The following HSPA13 variants were observed in gnomAD, a reference collection of about 807,000 sequenced individuals.
HSPA13 encodes the protein heat shock protein family A (Hsp70) member 13, also known as heat shock 70 kDa protein 13.
Under a neutral mutation model 38.8 loss-of-function variants are expected in HSPA13, and 29 were observed. The observed-to-expected ratio is 0.75, with a 90% CI of 0.56 to 1.02. The LOEUF is 1.02. Among genes scored for constraint, HSPA13 ranks in the 50% least tolerant of loss-of-function variants. HSPA13 has a pLI of 0.00. For missense variants in HSPA13, 451 were observed against 560.9 expected (o/e 0.80, Z 1.98); for synonymous variants, 192 against 205.3 (o/e 0.94, Z 0.56).
chr21:14,377,693 A>T (rs574184743), intron 3 of HSPA13, among the ~76,000 whole-genome samples: 4 of 152,262 alleles, frequency 2.6e-5, no homozygotes, highest in East Asian at 1.9e-4. Flanking sequence ...CAGCTGCCAG[A>T]GTGTGCCTGG....
intron 2 of HSPA13, among the ~76,000 whole-genome samples, chr21:14,379,298 C>T (rs965088011): frequency 1.3e-5 from 2 of 152,100 alleles, no homozygotes; most frequent in Non-Finnish European, 2.9e-5. Flanking sequence ...CTAAAAAATA[C>T]TATCCTAGTT....
rs1391196386 is a variant in HSPA13 at position 14,374,303 on chromosome 21, T to C, written c.749-19A>G. The C allele has an allele frequency of 1.9e-6, 3 of 1,577,934 alleles. No individual in the cohort carries two copies. Among genetic ancestry groups the C allele is most frequent in the South Asian group, 2.2e-5 (2 of 89,914 alleles). ...TTGTTTCCTGAGTGAAAAATAAAAGTTTAATATAGTTATGCATATATGTGT... is the reference window on the plus strand; with the variant it reads ...TTGTTTCCTGAGTGAAAAATAAAAGCTTAATATAGTTATGCATATATGTGT... On this transcript the variant is annotated intron_variant, in intron 4 of 4. Coordinates refer to ENST00000285667, the MANE Select transcript of HSPA13 (RefSeq NM_006948.5).
intron 2 of HSPA13, among the ~76,000 whole-genome samples, chr21:14,379,112 T>C (rs1386663269): frequency 6.6e-6 from 1 of 152,172 alleles, no homozygotes; most frequent in African/African-American, 2.4e-5. Flanking sequence ...CTAAGAGTAA[T>C]GGATAGCTGA....
At chr21:14,374,789 A>G (rs1361695386) in intron 4 of HSPA13, among the ~76,000 whole-genome samples, 1 of 152,204 alleles carries the variant, frequency 6.6e-6, no homozygotes, top group African/African-American at 2.4e-5. Flanking sequence ...GTCATTCTCA[A>G]CAGAAGAAAG....
chr21:14,382,861 G>A (rs34742635), intron 1 of HSPA13, among the ~76,000 whole-genome samples: 31,452 of 152,030 alleles, frequency 0.21, 3,892 homozygotes, highest in Non-Finnish European at 0.28. Flanking sequence ...CCCTGGGATG[G>A]ACACAGCTGG....
chr21:14,376,257 T>C (rs1032300901), intron 3 of HSPA13, among the ~76,000 whole-genome samples: 4 of 151,746 alleles, frequency 2.6e-5, no homozygotes, highest in Non-Finnish European at 2.9e-5. Flanking sequence ...ACTAAAAATA[T>C]AAAAAATGAG....
intron 1 of HSPA13, 61 bp downstream of exon 1, chr21:14,383,034 C>T: frequency 6.2e-7 from 1 of 1,600,650 alleles, no homozygotes; most frequent in Non-Finnish European, 8.6e-7. Flanking sequence ...CCCCTGCCCA[C>T]TCTGGCATCC....
At position 14,375,799 on chromosome 21, in the gene HSPA13, T is replaced by C. The variant is rs530936629; in HGVS notation, c.601A>G (p.Ile201Val). Residue 201 changes from isoleucine (I) to valine (V), a missense_variant, in exon 4 of 5, where the codon ATA (isoleucine) becomes GTA (valine). By Grantham distance (29) the Ile-to-Val change is conservative. Transcript: ENST00000285667. ...ATAGCTGCTGCTGTGGGTTCATTTA[T>C]TACCCTCAAAATCTTCAGTCCTGTA... Reference protein sequence around the residue: ...NLAGLKILRVINEPTAAAMAY... With the variant: ...NLAGLKILRVVNEPTAAAMAY... 1.1e-5 allele frequency: 17 copies of C among 1,613,714 alleles called. No individual in the cohort carries two copies. Among genetic ancestry groups the C allele is most frequent in the East Asian group, 2.2e-5 (1 of 44,870 alleles).
In HSPA13 at chr21:14,373,523, A is replaced by T; in HGVS notation, c.*94T>A. On this transcript the variant is annotated 3_prime_UTR_variant, in exon 5 of 5. Transcript: ENST00000285667. ...ATGTTGCCCTCTAGGTAAATCTGTG[A>T]TATTTTAGAGACTTTCTTTTGTGGA... The T allele has an allele frequency of 9.0e-7, 1 of 1,115,072 alleles. No homozygotes were observed. The highest frequency in any genetic ancestry group is 1.3e-6 in the Non-Finnish European group (1 of 796,200). The allele number at this position is 1,115,072 out of a possible 1,614,324, so 69.1% of individuals were successfully genotyped here.
At chr21:14,382,451 T>G (rs1214934546) in intron 1 of HSPA13, among the ~76,000 whole-genome samples, 1 of 152,192 alleles carries the variant, frequency 6.6e-6, no homozygotes, top group Admixed American at 6.5e-5. Flanking sequence ...CTGTGTCCGC[T>G]CATATTACAT....
intron 3 of HSPA13, among the ~76,000 whole-genome samples, chr21:14,376,807 T>C (rs1984039080): frequency 6.6e-6 from 1 of 152,226 alleles, no homozygotes; most frequent in Non-Finnish European, 1.5e-5. Context: ...AGTATTTTGC[T>C]TTCTTCAAAT....
chr21:14,378,544 C>T (rs141293449), intron 2 of HSPA13, 132 bp from the exon 3 acceptor site: 43 of 619,834 alleles, frequency 6.9e-5, no homozygotes, highest in African/African-American at 6.8e-4. Context: ...CATTTGAAAT[C>T]TATCTAGTAC....
chr21:14,381,331 C>G lies in HSPA13; in HGVS notation c.238G>C (p.Val80Leu), dbSNP rs1460062522. Residue 80 changes from valine (V) to leucine (L), a missense_variant, in exon 2 of 5, where the codon GTG becomes CTG. Coordinates refer to ENST00000285667, the MANE Select transcript of HSPA13 (RefSeq NM_006948.5). ...GCCAGCTCTACGCTTTCATATCCCA[C>G]ATATACATCATTGTCAGTAAAAGAC... ...MVSFTDNDVY[V>L]GYESVELADS... The G allele has an allele frequency of 6.2e-7, 1 of 1,614,062 alleles. No individual in the cohort carries two copies. Among genetic ancestry groups the G allele is most frequent in the African/African-American group, 1.3e-5 (1 of 74,932 alleles).
rs534934230 is a variant in HSPA13 at position 14,376,063 on chromosome 21, A to G, written c.581-244T>C. Among the ~76,000 whole-genome samples, 7 of 152,338 alleles carry G rather than the reference A, an allele frequency of 4.6e-5. 1 individual carries two copies. In the South Asian group the frequency reaches 1.4e-3, roughly 32 times the overall value. On this transcript the variant is annotated intron_variant, in intron 3 of 4. Transcript: ENST00000285667. ...AATAAAATCCAAGGTTCAGTGCAAT[A>G]AGTCATTCTACTCTTTATTAATTAA...
At position 14,371,304 on chromosome 21, in the gene HSPA13, TAA is replaced by T. The variant is rs948121730; in HGVS notation, c.*2311_*2312del. ...GTACCAAAACATTCCTGATACAAAA[TAA>T]GTTACTCATTCACATATTCTAATCA... On this transcript the variant is annotated 3_prime_UTR_variant, in exon 5 of 5. Coordinates refer to ENST00000285667, the MANE Select transcript of HSPA13 (RefSeq NM_006948.5). The T allele has an allele frequency of 1.3e-5, 2 of 152,596 alleles. No individual in the cohort carries two copies. The highest frequency in any genetic ancestry group is 4.8e-5 in the African/African-American group (2 of 41,454). 9.5% of individuals were successfully genotyped at this position (152,596 alleles called of 1,614,324 possible).
chr21:14,376,391 CAGCAG>C (rs1330676415), intron 3 of HSPA13, among the ~76,000 whole-genome samples: 1 of 151,930 alleles, frequency 6.6e-6, no homozygotes, highest in Admixed American at 6.5e-5. Context: ...CCAGCCTGGG[CAGCAG>C]AGTGAGACTC....
chr21:14,374,029 G>A lies in HSPA13; in HGVS notation c.1004C>T (p.Ser335Leu), dbSNP rs201144795. ...DTELPKDKLS[S>L]ADDHRVNSGF... The stretch of plus-strand genomic sequence containing the variant: ...ACTGTTCACGCGATGGTCATCTGCT[G>A]AGGAAAGTTTGTCTTTTGGCAGTTC... Residue 335 changes from serine to leucine, a missense_variant, in exon 5 of 5, where the codon TCA becomes TTA. Ser to Leu is a moderately radical substitution (Grantham distance 145). Coordinates refer to ENST00000285667, the MANE Select transcript of HSPA13 (RefSeq NM_006948.5). The A allele has an allele frequency of 1.9e-5, 30 of 1,614,218 alleles. No homozygotes were observed. The Admixed American group carries it at 4.7e-4, about 25-fold the overall frequency.
intron 3 of HSPA13, among the ~76,000 whole-genome samples, chr21:14,376,512 C>A (rs1419796890): frequency 1.3e-5 from 2 of 152,206 alleles, no homozygotes. Flanking sequence ...GATCAGGTTT[C>A]TTTGAATGAA....
Position 14,373,689 on chromosome 21 carries a change from T to A in HSPA13, c.1344A>T (p.Gly448=). The A allele has an allele frequency of 6.2e-7, 1 of 1,614,178 alleles. No individual in the cohort carries two copies. The highest frequency in any genetic ancestry group is 8.5e-7 in the Non-Finnish European group (1 of 1,180,020). ...TGVAIQAGID[G]GSWPLQVSAL... ...CACTGACTTGGAGAGGCCAAGAGCC[T>A]CCATCAATCCCTGCTTGGATAGCCA... Residue 448 remains glycine (G), a synonymous_variant, in exon 5 of 5, where the codon GGA becomes GGT. Transcript: ENST00000285667.
Sources: gnomAD v4.1 joint callset for allele counts (sites outside exome capture counted in the v4.1 genomes callset) on GRCh38, gnomAD v4.1.1 for gene constraint, MANE v1.5 for transcripts, NCBI Gene and HGNC (gene_info 2026-07-23, HGNC 2026-07-21) for gene names.